The following KCNB2 variants were observed in gnomAD, a reference collection of about 807,000 sequenced individuals.
KCNB2 encodes the protein delayed rectifier potassium channel protein.
In KCNB2, 15 loss-of-function variants were observed where a neutral mutation model predicts 61.5. That is an observed-to-expected ratio of 0.24 (90% CI 0.16 to 0.38). The LOEUF (loss-of-function observed/expected upper bound fraction) is 0.38. Among genes scored for constraint, KCNB2 ranks in the 10% least tolerant of loss-of-function variants. KCNB2 has a pLI of 1.00. For synonymous variants in KCNB2, 457 were observed against 446.0 expected, an observed-to-expected ratio of 1.02 and a Z score of -0.31; for missense variants, 828 against 1,125.2, an observed-to-expected ratio of 0.74 and a Z score of 3.78.
intron 2 of KCNB2, among the ~76,000 whole-genome samples, chr8:72,883,700 C>T (rs746854192): frequency 5.9e-5 from 9 of 152,286 alleles, no homozygotes; most frequent in Non-Finnish European, 1.2e-4. Context: ...TTAGCAGCAG[C>T]CTAAATTATC....
At chr8:72,711,695 GTTAA>G (rs1563567135) in intron 2 of KCNB2, among the ~76,000 whole-genome samples, 4 of 152,188 alleles carry the variant, frequency 2.6e-5, no homozygotes, top group African/African-American at 9.6e-5. Context: ...CATTTAAAAA[GTTAA>G]TTAACTTGGG....
intron 2 of KCNB2, among the ~76,000 whole-genome samples, chr8:72,645,761 A>G (rs538866292): frequency 1.6e-4 from 24 of 152,298 alleles, no homozygotes; most frequent in African/African-American, 5.3e-4. Flanking sequence ...TTTAGGATGA[A>G]ACTTCAAATG....
At chr8:72,586,635 C>T (rs1435955214) in intron 2 of KCNB2, among the ~76,000 whole-genome samples, 1 of 152,192 alleles carries the variant, frequency 6.6e-6, no homozygotes, top group East Asian at 1.9e-4. Context: ...CAATAATCCC[C>T]TGAGTTGGGT....
chr8:72,666,057 T>C (rs1478562786), intron 2 of KCNB2, among the ~76,000 whole-genome samples: 1 of 152,264 alleles, frequency 6.6e-6, no homozygotes, highest in Non-Finnish European at 1.5e-5. Flanking sequence ...ACTATGACCA[T>C]GTGTCTATTT....
At chr8:72,587,675 G>A (rs1183693233) in intron 2 of KCNB2, among the ~76,000 whole-genome samples, 2 of 152,028 alleles carry the variant, frequency 1.3e-5, no homozygotes, top group East Asian at 3.9e-4. Flanking sequence ...GCTATACTGA[G>A]AGTCATCATG....
intron 2 of KCNB2, among the ~76,000 whole-genome samples, chr8:72,664,891 G>C (rs763089615): frequency 6.6e-5 from 10 of 152,186 alleles, no homozygotes; most frequent in Non-Finnish European, 1.2e-4. Flanking sequence ...AAACCATGTC[G>C]AGATAGGCTA....
intron 2 of KCNB2, among the ~76,000 whole-genome samples, chr8:72,843,126 G>C (rs1268342761): frequency 2.6e-5 from 4 of 152,012 alleles, no homozygotes; most frequent in African/African-American, 4.8e-5. Context: ...AGAGATTCCA[G>C]TACACTTTGT....
At chr8:72,783,393 C>T (rs770794624) in intron 2 of KCNB2, among the ~76,000 whole-genome samples, 43 of 152,108 alleles carry the variant, frequency 2.8e-4, no homozygotes, top group Non-Finnish European at 2.1e-4. Flanking sequence ...TGCTGCTTCT[C>T]GCCTCTTCTC....
Position 72,567,694 on chromosome 8 carries a change from T to G in KCNB2, c.-41T>G. On this transcript the variant is annotated 5_prime_UTR_variant, in exon 2 of 3. Coordinates refer to ENST00000523207, the MANE Select transcript of KCNB2 (RefSeq NM_004770.3). ...AGGGATATTGCTTCAGTTGACCTCA[T>G]TTTTTAAGGACCCTGGCTCTGCGGC... The G allele has an allele frequency of 7.0e-7, 1 of 1,423,046 alleles. No homozygotes were observed. The highest frequency in any genetic ancestry group is 2.3e-5 in the East Asian group (1 of 43,144). 88.2% of individuals were successfully genotyped at this position (1,423,046 alleles called of 1,614,324 possible).
chr8:72,597,602 T>A (rs757286216), intron 2 of KCNB2, among the ~76,000 whole-genome samples: 18 of 152,224 alleles, frequency 1.2e-4, no homozygotes, highest in Non-Finnish European at 2.1e-4. Context: ...TCTTGAAAGT[T>A]AAACTTAGCA....
At chr8:72,805,389 T>G (rs1388825933) in intron 2 of KCNB2, among the ~76,000 whole-genome samples, 1 of 152,182 alleles carries the variant, frequency 6.6e-6, no homozygotes, top group Non-Finnish European at 1.5e-5. Flanking sequence ...AAGATACTGT[T>G]GCTCTCACTT....
chr8:72,795,016 C>A (rs1809008961), intron 2 of KCNB2, among the ~76,000 whole-genome samples: 4 of 152,174 alleles, frequency 2.6e-5, no homozygotes, highest in African/African-American at 9.7e-5. Flanking sequence ...CAATAAGATT[C>A]TTTCTACATG....
At chr8:72,848,016 T>A (rs1810028480) in intron 2 of KCNB2, among the ~76,000 whole-genome samples, 1 of 152,204 alleles carries the variant, frequency 6.6e-6, no homozygotes, top group Non-Finnish European at 1.5e-5. Context: ...AGGCCTGCCC[T>A]ATTGCATAAA....
intron 2 of KCNB2, among the ~76,000 whole-genome samples, chr8:72,579,882 A>G (rs1317697329): frequency 2.6e-5 from 4 of 152,072 alleles, no homozygotes; most frequent in Admixed American, 6.5e-5. Context: ...AGCCTGGGGG[A>G]AAAAAAGGAA....
At chr8:72,856,401 A>G (rs1810208378) in intron 2 of KCNB2, among the ~76,000 whole-genome samples, 1 of 152,160 alleles carries the variant, frequency 6.6e-6, no homozygotes, top group Non-Finnish European at 1.5e-5. Context: ...GACAGTGCAA[A>G]TCTAAGATAG....
chr8:72,737,951 T>TGGTGGGTC (rs1159074734), intron 2 of KCNB2, among the ~76,000 whole-genome samples: 1 of 152,186 alleles, frequency 6.6e-6, no homozygotes, highest in African/African-American at 2.4e-5. Flanking sequence ...ATTTTGGAAA[T>TGGTGGGTC]GGTGGCCCTA....
intron 2 of KCNB2, among the ~76,000 whole-genome samples, chr8:72,731,362 T>C (rs1459525547): frequency 1.3e-5 from 2 of 152,244 alleles, no homozygotes; most frequent in Non-Finnish European, 2.9e-5. Flanking sequence ...TAATTTCTTT[T>C]AATGATTCAG....
At chr8:72,850,757 A>G (rs1465212793) in intron 2 of KCNB2, among the ~76,000 whole-genome samples, 2 of 152,238 alleles carry the variant, frequency 1.3e-5, no homozygotes, top group Non-Finnish European at 2.9e-5. Context: ...AGATGCAGAA[A>G]GTTAAGACAT....
chr8:72,887,498 G>A (rs1805825472), intron 2 of KCNB2, among the ~76,000 whole-genome samples: 1 of 152,082 alleles, frequency 6.6e-6, no homozygotes, highest in African/African-American at 2.4e-5. Flanking sequence ...TCAGAAGATG[G>A]GCCCAGTCTC....
Sources: gnomAD v4.1 joint callset for allele counts (sites outside exome capture counted in the v4.1 genomes callset) on GRCh38, gnomAD v4.1.1 for gene constraint, MANE v1.5 for transcripts, NCBI Gene and HGNC (gene_info 2026-07-23, HGNC 2026-07-21) for gene names.